Variants in CRBN observed in about 807,000 individuals in gnomAD.
CRBN encodes the protein cereblon.
CRBN carries 53 observed loss-of-function variants against 62.2 expected under a neutral mutation model. The ratio of observed to expected loss-of-function variants is 0.85; its 90% CI spans 0.68 to 1.07. The LOEUF is 1.07. CRBN is among the 50% of genes least tolerant of loss of function. CRBN has a pLI of 0.00. For synonymous variants in CRBN, 208 were observed against 176.1 expected, an observed-to-expected ratio of 1.18 and a Z score of -1.43; for missense variants, 616 against 531.1, an observed-to-expected ratio of 1.16 and a Z score of -1.57.
At chr3:3,159,663 G>A (rs1707055864) in intron 5 of CRBN, among the ~76,000 whole-genome samples, 1 of 152,086 alleles carries the variant, frequency 6.6e-6, no homozygotes, top group Non-Finnish European at 1.5e-5. Flanking sequence ...TTCTTTATCT[G>A]GAGCATCCTG....
chr3:3,170,074 G>A (rs1412988011), intron 4 of CRBN, among the ~76,000 whole-genome samples: 1 of 152,100 alleles, frequency 6.6e-6, no homozygotes, highest in East Asian at 1.9e-4. Context: ...CTGCCTCCCA[G>A]GTTCAAGTGG....
intron 10 of CRBN, among the ~76,000 whole-genome samples, chr3:3,151,810 A>G (rs1706572981): frequency 7.9e-6 from 1 of 125,808 alleles, no homozygotes; most frequent in South Asian, 3.2e-4. Context: ...AGGATCATAG[A>G]GAATCATTAA....
chr3:3,170,474 C>T (rs1707560243), intron 4 of CRBN, among the ~76,000 whole-genome samples: 1 of 152,014 alleles, frequency 6.6e-6, no homozygotes, highest in Admixed American at 6.6e-5. Flanking sequence ...GGAAGGAGTA[C>T]CAGTTTGGAA....
rs1302518033 is a variant in CRBN, at chr3:3,152,493, T to A, written c.1111A>T (p.Ile371Leu). 3 of 1,613,772 alleles carry A rather than the reference T, an allele frequency of 1.9e-6. No individual in the cohort carries two copies. Among genetic ancestry groups the A allele is most frequent in the Admixed American group, 1.7e-5 (1 of 59,980 alleles). The change falls in exon 10 of 11, where the codon ATA becomes TTA. Residue 371 changes from isoleucine (I) to leucine (L), a missense_variant. Physicochemically the swap from Ile to Leu is conservative, Grantham distance 5. Transcript: ENST00000231948. The part of the protein sequence containing the change: ...TVYKACNLNL[I>L]GRPSTEHSWF... ...CTGTGTTCTGTAGAAGGCCGGCCTA[T>A]CAGATTCAAGTTGCAAGCCTTATAC...
At chr3:3,154,107 T>C (rs975049792) in intron 7 of CRBN, 32 bp from the exon 8 acceptor site, 9 of 1,301,638 alleles carry the variant, frequency 6.9e-6, no homozygotes, top group Admixed American at 1.7e-5. Context: ...GTTTTAAACT[T>C]AGGAGTCAGA....
intron 1 of CRBN, among the ~76,000 whole-genome samples, chr3:3,176,660 C>G (rs1707835105): frequency 6.6e-6 from 1 of 152,168 alleles, no homozygotes. Flanking sequence ...CGCTTGAACC[C>G]AGGAGGTGGA....
At chr3:3,171,070 A>G (rs1705803) in intron 4 of CRBN, among the ~76,000 whole-genome samples, 130,739 of 152,136 alleles carry the variant, frequency 0.86, 58,675 homozygotes, top group South Asian at 0.99. Flanking sequence ...CTCCCAAAAT[A>G]CTGGGATTAC....
chr3:3,157,334 CAAAA>C (rs1559245590), intron 5 of CRBN, among the ~76,000 whole-genome samples: 1 of 152,214 alleles, frequency 6.6e-6, no homozygotes, highest in East Asian at 1.9e-4. Context: ...TTTCTCAAAA[CAAAA>C]CCTACATACG....
chr3:3,158,292 G>A (rs541003646), intron 5 of CRBN, among the ~76,000 whole-genome samples: 1 of 152,190 alleles, frequency 6.6e-6, no homozygotes, highest in Non-Finnish European at 1.5e-5. Flanking sequence ...GTGGCGCTCA[G>A]CTTCACTTGC....
At chr3:3,179,579 T>C in intron 1 of CRBN, 42 bp downstream of exon 1, 1 of 1,594,716 alleles carries the variant, frequency 6.3e-7, no homozygotes, top group Non-Finnish European at 8.6e-7. Flanking sequence ...GCTCCGAGCC[T>C]CGCCCCACTC....
chr3:3,172,897 C>G lies in CRBN; in HGVS notation c.406G>C (p.Gly136Arg), dbSNP rs1160411189. The stretch of plus-strand genomic sequence containing the variant: ...TAGGCATATATCTCTGCTGTTGTTC[C>G]AAACTGTGCTTCCCTTTCCTGTACA... ...SNVQEREAQF[G>R]TTAEIYAYRE... is the part of the protein sequence containing the mutation. Residue 136 changes from glycine (G) to arginine (R), a missense_variant, in exon 4 of 11, where the codon GGA becomes CGA. By Grantham distance (125) the Gly-to-Arg change is moderately radical. Transcript: ENST00000231948. 2 of 1,613,774 alleles carry G rather than the reference C, an allele frequency of 1.2e-6. No homozygotes were observed. Among genetic ancestry groups the G allele is most frequent in the Non-Finnish European group, 1.7e-6 (2 of 1,179,756 alleles).
At chr3:3,161,095 C>A (rs1377160538) in intron 5 of CRBN, among the ~76,000 whole-genome samples, 1 of 152,082 alleles carries the variant, frequency 6.6e-6, no homozygotes, top group Non-Finnish European at 1.5e-5. Context: ...AATACAGAAG[C>A]ATTAAAAATT....
chr3:3,166,069 G>A (rs2126063263), intron 5 of CRBN, among the ~76,000 whole-genome samples: 1 of 152,156 alleles, frequency 6.6e-6, no homozygotes. Flanking sequence ...TAAAGTGTCT[G>A]TATCTGGTAT....
chr3:3,167,776 A>G lies in CRBN; in HGVS notation c.545T>C (p.Val182Ala). ...CAACACACATTCGGGAAGAATTTGCACTTTAGCTTGCTGGATTCTAAAATA... is the reference window on the plus strand; with the variant it reads ...CAACACACATTCGGGAAGAATTTGCGCTTTAGCTTGCTGGATTCTAAAATA... Reference protein sequence around the residue: ...TQSDGIQQAKVQILPECVLPS... With the variant: ...TQSDGIQQAKAQILPECVLPS... The change falls in exon 5 of 11, where the codon GTG (valine) becomes GCG (alanine). Residue 182 changes from valine (V) to alanine (A), a missense_variant. Val to Ala is a moderately conservative substitution (Grantham distance 64). Coordinates refer to ENST00000231948, the MANE Select transcript of CRBN (RefSeq NM_016302.4). 6.2e-7 allele frequency: 1 copy of G among 1,613,528 alleles called. No homozygotes were observed. The highest frequency in any genetic ancestry group is 8.5e-7 in the Non-Finnish European group (1 of 1,179,558).
chr3:3,174,138 G>T lies in CRBN; in HGVS notation c.298C>A (p.Gln100Lys). ...CTGACTTCTTGAGGGTGAAAAAGCTGAAGAGGTAATGTCTGTCCGGGAATC... is the reference window on the plus strand; with the variant it reads ...CTGACTTCTTGAGGGTGAAAAAGCTTAAGAGGTAATGTCTGTCCGGGAATC... ...ILIPGQTLPL[Q>K]LFHPQEVSMV... Residue 100 changes from glutamine (Q) to lysine (K), a missense_variant, in exon 3 of 11, where the codon CAG becomes AAG. Physicochemically the swap from Gln to Lys is moderately conservative, Grantham distance 53. Coordinates refer to ENST00000231948, the MANE Select transcript of CRBN (RefSeq NM_016302.4). The T allele has an allele frequency of 6.2e-7, 1 of 1,614,174 alleles. No individual in the cohort carries two copies. Among genetic ancestry groups the T allele is most frequent in the Non-Finnish European group, 8.5e-7 (1 of 1,180,010 alleles).
At chr3:3,165,186 TG>T (rs1707281594) in intron 5 of CRBN, among the ~76,000 whole-genome samples, 1 of 152,212 alleles carries the variant, frequency 6.6e-6, no homozygotes, top group African/African-American at 2.4e-5. Flanking sequence ...TTCTTATGGA[TG>T]AGCAAATAAA....
chr3:3,154,633 A>G (rs942434847), intron 7 of CRBN, 114 bp downstream of exon 7: 5 of 697,312 alleles, frequency 7.2e-6, no homozygotes, highest in Non-Finnish European at 1.3e-5. Context: ...TTCAGAATTA[A>G]AATGTTTTAA....
intron 4 of CRBN, among the ~76,000 whole-genome samples, chr3:3,171,933 G>A (rs1009779233): frequency 2.6e-5 from 4 of 152,240 alleles, no homozygotes; most frequent in African/African-American, 9.6e-5. Flanking sequence ...CCAGGACTGT[G>A]TATCTGTGAG....
In CRBN at chr3:3,167,373, T is replaced by A. The variant is rs17027834; in HGVS notation, c.687+261A>T. ...AGTTTAATAAGCATTTCCCATGGAA[T>A]TAAAAATCAAAAGCGATTAATATAG... On this transcript the variant is annotated intron_variant, in intron 5 of 10. Coordinates refer to ENST00000231948, the MANE Select transcript of CRBN (RefSeq NM_016302.4). 2,327 of 344,310 alleles carry A rather than the reference T, an allele frequency of 6.8e-3. 97 individuals are homozygous for A. In the East Asian group the frequency reaches 0.1, roughly 15 times the overall value. The allele number at this position is 344,310 out of a possible 1,614,324, so 21.3% of individuals were successfully genotyped here. A position where few individuals can be genotyped will look rare whatever the true frequency, so the allele number is the denominator to read the frequency against.
Sources: gnomAD v4.1 joint callset for allele counts (sites outside exome capture counted in the v4.1 genomes callset) on GRCh38, gnomAD v4.1.1 for gene constraint, MANE v1.5 for transcripts, NCBI Gene and HGNC (gene_info 2026-07-23, HGNC 2026-07-21) for gene names.